Variants in METTL15 observed in about 807,000 individuals in gnomAD.
The protein encoded by METTL15 is 12S rRNA N(4)-cytidine methyltransferase METTL15.
Under a neutral mutation model 38.3 loss-of-function variants are expected in METTL15, and 34 were observed. The observed-to-expected ratio is 0.89, with a 90% CI of 0.68 to 1.18. The LOEUF (loss-of-function observed/expected upper bound fraction) is 1.18. Among genes scored for constraint, METTL15 ranks in the 50% most tolerant of loss-of-function variants. The pLI is 0.00. For missense variants in METTL15, 438 were observed against 498.4 expected (o/e 0.88, Z 1.15); for synonymous variants, 162 against 170.9 (o/e 0.95, Z 0.41).
chr11:28,309,177 C>G (rs1323604482), intron 6 of METTL15, among the ~76,000 whole-genome samples: 3 of 152,198 alleles, frequency 2.0e-5, no homozygotes, highest in African/African-American at 7.2e-5. Flanking sequence ...AAATCGTCTT[C>G]TCTTCCTGGC....
At chr11:28,181,715 A>T (rs936359989) in intron 3 of METTL15, among the ~76,000 whole-genome samples, 2 of 89,046 alleles carry the variant, frequency 2.2e-5, no homozygotes, top group Non-Finnish European at 6.0e-5. Flanking sequence ...TGCAATAAAC[A>T]TACGTGTGTG....
chr11:28,484,873 GT>G (rs1350797517), intron 6 of METTL15, among the ~76,000 whole-genome samples: 1 of 152,114 alleles, frequency 6.6e-6, no homozygotes, highest in Non-Finnish European at 1.5e-5. Flanking sequence ...CCACACCAGG[GT>G]TTAATGGCCT....
chr11:28,145,461 A>G (rs899743642), intron 3 of METTL15: 1 of 152,054 alleles, frequency 6.6e-6, no homozygotes, highest in African/African-American at 2.4e-5. Flanking sequence ...TTGTTTGGGA[A>G]CTGACTTGGT....
At chr11:28,462,058 G>A (rs76367143) in intron 6 of METTL15, among the ~76,000 whole-genome samples, 2,670 of 152,150 alleles carry the variant, frequency 0.018, 51 homozygotes, top group African/African-American at 0.051. Flanking sequence ...ATTGAACAAT[G>A]TGACTCACTA....
intron 3 of METTL15, among the ~76,000 whole-genome samples, chr11:28,133,551 G>A (rs1849409944): frequency 6.6e-6 from 1 of 152,176 alleles, no homozygotes; most frequent in African/African-American, 2.4e-5. Flanking sequence ...ATAAGATACT[G>A]CAAAAATGAT....
chr11:28,265,035 A>G (rs548495828), intron 4 of METTL15, among the ~76,000 whole-genome samples: 65 of 152,242 alleles, frequency 4.3e-4, no homozygotes, highest in Admixed American at 2.6e-3. Context: ...ACGGTGGCCA[A>G]GGCAATTATA....
chr11:28,485,854 G>T (rs2133477124), intron 6 of METTL15, among the ~76,000 whole-genome samples: 1 of 152,248 alleles, frequency 6.6e-6, no homozygotes, highest in South Asian at 2.1e-4. Flanking sequence ...TTTCTGGCTT[G>T]CACATGGCTG....
chr11:28,235,975 C>T lies in METTL15; in HGVS notation c.407+24777C>T, dbSNP rs927562951. Among the ~76,000 whole-genome samples, 108 of 151,538 alleles carry T rather than the reference C, an allele frequency of 7.1e-4. 1 individual carries two copies. The highest frequency in any genetic ancestry group is 2.3e-3 in the African/African-American group (97 of 41,326). On this transcript the variant is annotated intron_variant, in intron 4 of 6. Transcript: ENST00000407364. ...AGATAGCTCTTATTATTTTGAGATACGTCCCATCAATACCTAATTTATTGA... is the reference window on the plus strand; with the variant it reads ...AGATAGCTCTTATTATTTTGAGATATGTCCCATCAATACCTAATTTATTGA...
Position 28,374,404 on chromosome 11 carries a change from G to T in METTL15, c.*358+12368G>T, listed in dbSNP as rs774003105. On this transcript the variant is annotated intron_variant and NMD_transcript_variant, in intron 5 of 7. Coordinates refer to the METTL15 transcript ENST00000532947. ...ACATCCCTTGTAAGTTGGTTTCCTAGGTATTTTATTCTCTTTGAAGCAATT... is the reference window on the plus strand; with the variant it reads ...ACATCCCTTGTAAGTTGGTTTCCTATGTATTTTATTCTCTTTGAAGCAATT... Among the ~76,000 whole-genome samples, 7 of 151,790 alleles carry T rather than the reference G, an allele frequency of 4.6e-5. No individual in the cohort carries two copies. In the South Asian group the frequency reaches 1.3e-3, roughly 27 times the overall value.
At chr11:28,416,183 T>C (rs1362645013) in intron 5 of METTL15, among the ~76,000 whole-genome samples, 1 of 152,206 alleles carries the variant, frequency 6.6e-6, no homozygotes, top group Non-Finnish European at 1.5e-5. Context: ...TCTCTGCCCA[T>C]CTCTGGCTTC....
intron 5 of METTL15, among the ~76,000 whole-genome samples, chr11:28,376,814 T>G (rs1344135881): frequency 1.3e-5 from 2 of 149,452 alleles, no homozygotes; most frequent in Non-Finnish European, 3.0e-5. Context: ...TTCCTTTCCA[T>G]GTTTAGTGCT....
At chr11:28,417,969 G>A (rs192402915) in intron 5 of METTL15, among the ~76,000 whole-genome samples, 1 of 152,068 alleles carries the variant, frequency 6.6e-6, no homozygotes. Context: ...TTATCTTGAT[G>A]ACTCAATCAT....
chr11:28,357,199 T>C (rs755306276), intron 4 of METTL15, among the ~76,000 whole-genome samples: 3 of 152,226 alleles, frequency 2.0e-5, no homozygotes, highest in Non-Finnish European at 4.4e-5. Flanking sequence ...TACAGTTCTT[T>C]GGCTTTACCA....
chr11:28,509,635 A>C (rs1851658120), intron 6 of METTL15, among the ~76,000 whole-genome samples: 1 of 152,188 alleles, frequency 6.6e-6, no homozygotes, highest in Non-Finnish European at 1.5e-5. Flanking sequence ...CTGAGTTGTG[A>C]ACTTGTGTAA....
chr11:28,502,986 A>C (rs1851597025), intron 6 of METTL15, among the ~76,000 whole-genome samples: 1 of 152,234 alleles, frequency 6.6e-6, no homozygotes, highest in Non-Finnish European at 1.5e-5. Context: ...GTAACTCTGA[A>C]ATCTCAATGA....
At chr11:28,197,200 T>C (rs947283799) in intron 3 of METTL15, among the ~76,000 whole-genome samples, 16 of 152,076 alleles carry the variant, frequency 1.1e-4, no homozygotes, top group African/African-American at 3.4e-4. Flanking sequence ...TTTAAGTTCT[T>C]TGAAATTTCT....
At chr11:28,216,996 A>G (rs1320956606) in intron 4 of METTL15, among the ~76,000 whole-genome samples, 2 of 151,598 alleles carry the variant, frequency 1.3e-5, no homozygotes, top group Admixed American at 6.6e-5. Flanking sequence ...AGTCTTTGCT[A>G]TTGTGAATAG....
intron 6 of METTL15, among the ~76,000 whole-genome samples, chr11:28,492,546 A>ACG (rs397817072): frequency 6.6e-6 from 1 of 151,616 alleles, no homozygotes; most frequent in African/African-American, 2.4e-5. Flanking sequence ...ACACACACAC[A>ACG]TACACACACA....
intron 3 of METTL15, among the ~76,000 whole-genome samples, chr11:28,189,785 A>T (rs2133800195): frequency 6.6e-6 from 1 of 151,320 alleles, no homozygotes; most frequent in East Asian, 1.9e-4. Flanking sequence ...GAGCCATACA[A>T]GAGTATTTTA....
Sources: gnomAD v4.1 joint callset for allele counts (sites outside exome capture counted in the v4.1 genomes callset) on GRCh38, gnomAD v4.1.1 for gene constraint, MANE v1.5 for transcripts, NCBI Gene and HGNC (gene_info 2026-07-23, HGNC 2026-07-21) for gene names.